The following COMMD1 variants were observed in gnomAD, a reference collection of about 807,000 sequenced individuals.
COMMD1 encodes the protein copper metabolism domain containing 1, also known as COMM domain-containing protein 1.
In COMMD1, 10 loss-of-function variants were observed where a neutral mutation model predicts 17.2. The observed-to-expected ratio is 0.58, with a 90% CI of 0.36 to 0.99. The LOEUF is 0.99. Among genes scored for constraint, COMMD1 ranks in the 50% least tolerant of loss-of-function variants. The pLI is 0.01. For synonymous variants in COMMD1, 97 were observed against 91.6 expected, an observed-to-expected ratio of 1.06 and a Z score of -0.34; for missense variants, 270 against 231.8, an observed-to-expected ratio of 1.17 and a Z score of -1.07.
At chr2:62,130,178 AAAAC>A (rs1433364986) in intron 2 of COMMD1, among the ~76,000 whole-genome samples, 1 of 151,686 alleles carries the variant, frequency 6.6e-6, no homozygotes, top group Non-Finnish European at 1.5e-5. Context: ...AACAAACAAA[AAAAC>A]AAACAAGAGT....
chr2:61,919,273 A>G (rs1437687265), intron 1 of COMMD1, among the ~76,000 whole-genome samples: 1 of 151,956 alleles, frequency 6.6e-6, no homozygotes, highest in African/African-American at 2.4e-5. Flanking sequence ...CGGCCTCCCA[A>G]AGTGCTGGGA....
intron 2 of COMMD1, among the ~76,000 whole-genome samples, chr2:62,014,157 C>A (rs1669367094): frequency 6.6e-6 from 1 of 152,160 alleles, no homozygotes; most frequent in Admixed American, 6.5e-5. Context: ...AAGTCCTCAG[C>A]CTCTGACTAG....
At chr2:61,910,360 G>A (rs1359293332) in intron 1 of COMMD1, among the ~76,000 whole-genome samples, 1 of 151,336 alleles carries the variant, frequency 6.6e-6, no homozygotes, top group Non-Finnish European at 1.5e-5. Flanking sequence ...AAGCAATTCT[G>A]CCTCAACCTC....
intron 1 of COMMD1, among the ~76,000 whole-genome samples, chr2:61,981,528 T>C (rs532668701): frequency 1.3e-5 from 2 of 152,222 alleles, no homozygotes; most frequent in African/African-American, 2.4e-5. Flanking sequence ...CAGTACCATG[T>C]TGTTTTGGTT....
At chr2:62,032,569 AACCATTG>A (rs1388762101) in intron 2 of COMMD1, among the ~76,000 whole-genome samples, 1 of 152,074 alleles carries the variant, frequency 6.6e-6, no homozygotes, top group Non-Finnish European at 1.5e-5. Context: ...AAAACCTACA[AACCATTG>A]ACTCATGGAA....
At chr2:61,948,743 C>T (rs1670978163) in intron 1 of COMMD1, among the ~76,000 whole-genome samples, 1 of 152,138 alleles carries the variant, frequency 6.6e-6, no homozygotes, top group Non-Finnish European at 1.5e-5. Context: ...ACTTTTAAGA[C>T]TTTGTTTTGT....
intron 2 of COMMD1, among the ~76,000 whole-genome samples, chr2:62,062,700 T>G (rs1204787397): frequency 6.6e-6 from 1 of 152,202 alleles, no homozygotes; most frequent in Non-Finnish European, 1.5e-5. Context: ...CTCTGTTCAT[T>G]TATGTCTTAA....
At chr2:61,949,807 G>A (rs376245344) in intron 1 of COMMD1, among the ~76,000 whole-genome samples, 1 of 152,150 alleles carries the variant, frequency 6.6e-6, no homozygotes, top group African/African-American at 2.4e-5. Context: ...GGCCCTTATG[G>A]ACTGAGATCT....
At chr2:61,932,339 C>G (rs1670486556) in intron 1 of COMMD1, among the ~76,000 whole-genome samples, 1 of 152,296 alleles carries the variant, frequency 6.6e-6, no homozygotes, top group Non-Finnish European at 1.5e-5. Flanking sequence ...ATTCAGATAC[C>G]ACTTATGTTT....
At chr2:62,057,091 A>G (rs575157576) in intron 2 of COMMD1, among the ~76,000 whole-genome samples, 2 of 152,216 alleles carry the variant, frequency 1.3e-5, no homozygotes, top group South Asian at 2.1e-4. Context: ...CCTGCAACTA[A>G]ATGGGACCAT....
At chr2:61,888,583 C>A, upstream of COMMD1, 2 of 1,528,410 alleles carry the variant, frequency 1.3e-6, no homozygotes, top group East Asian at 2.3e-5. Context: ...AGTGTAATAA[C>A]GGTAAGCCCT....
At chr2:61,914,848 G>A (rs1183052112) in intron 1 of COMMD1, among the ~76,000 whole-genome samples, 1 of 151,314 alleles carries the variant, frequency 6.6e-6, no homozygotes, top group Non-Finnish European at 1.5e-5. Context: ...GTGCCACCAC[G>A]CCTGGCTAAA....
chr2:62,078,319 C>T (rs1671410376), intron 2 of COMMD1, among the ~76,000 whole-genome samples: 1 of 148,846 alleles, frequency 6.7e-6, no homozygotes, highest in South Asian at 2.1e-4. Flanking sequence ...TTTGGGAGGC[C>T]GAGGTGGGTA....
intron 2 of COMMD1, among the ~76,000 whole-genome samples, chr2:62,012,815 T>G (rs910121071): frequency 6.6e-6 from 1 of 152,192 alleles, no homozygotes; most frequent in African/African-American, 2.4e-5. Context: ...CAGACTCATC[T>G]GAGGAGCTTA....
chr2:61,891,400 G>A (rs541273553), intron 1 of COMMD1, among the ~76,000 whole-genome samples: 220 of 152,324 alleles, frequency 1.4e-3, no homozygotes, highest in Non-Finnish European at 2.6e-3. Flanking sequence ...GAGTGTTAAT[G>A]TACATTATTT....
chr2:62,066,535 A>G (rs1671047344), intron 2 of COMMD1, among the ~76,000 whole-genome samples: 2 of 139,870 alleles, frequency 1.4e-5, no homozygotes, highest in African/African-American at 5.4e-5. Context: ...TCCCAGGTTC[A>G]TGACTACAGG....
At chr2:61,930,851 A>G (rs1197829222) in intron 1 of COMMD1, among the ~76,000 whole-genome samples, 1 of 152,100 alleles carries the variant, frequency 6.6e-6, no homozygotes, top group Non-Finnish European at 1.5e-5. Context: ...AGTTTCAGAT[A>G]TGATAAGTGT....
chr2:61,917,367 A>AG (rs1330567631), intron 1 of COMMD1, among the ~76,000 whole-genome samples: 1 of 152,096 alleles, frequency 6.6e-6, no homozygotes, highest in African/African-American at 2.4e-5. Flanking sequence ...AAAAAAAAAA[A>AG]AAAAGTGCAT....
chr2:62,075,050 C>T (rs1052634564), intron 2 of COMMD1, among the ~76,000 whole-genome samples: 2 of 151,830 alleles, frequency 1.3e-5, no homozygotes, highest in African/African-American at 4.8e-5. Flanking sequence ...CCACCACACC[C>T]AGCTAATTTT....
Sources: gnomAD v4.1 joint callset for allele counts (sites outside exome capture counted in the v4.1 genomes callset) on GRCh38, gnomAD v4.1.1 for gene constraint, MANE v1.5 for transcripts, NCBI Gene and HGNC (gene_info 2026-07-23, HGNC 2026-07-21) for gene names.